Variants in LRFN3 observed in about 807,000 individuals in gnomAD.
The protein encoded by LRFN3 is leucine-rich repeat and fibronectin type-III domain-containing protein 3.
In LRFN3, 8 loss-of-function variants were observed where a neutral mutation model predicts 23.8. The ratio of observed to expected loss-of-function variants is 0.34; its 90% CI spans 0.20 to 0.61. The LOEUF (loss-of-function observed/expected upper bound fraction) is 0.61. Ranked by LOEUF, LRFN3 falls within the 20% of genes least tolerant of loss-of-function variation. The probability of loss-of-function intolerance (pLI) is 0.80; values close to 1 mark genes in which losing one functional copy is unlikely to be tolerated. For missense variants in LRFN3, 736 were observed against 935.3 expected (o/e 0.79, Z 2.78); for synonymous variants, 451 against 450.6 (o/e 1.00, Z -0.01).
In LRFN3 at chr19:35,940,575, G is replaced by A; in HGVS notation, c.1150G>A (p.Gly384Ser). Residue 384 changes from glycine to serine, a missense_variant, in exon 2 of 3, where the codon GGT becomes AGT. Gly to Ser is a moderately conservative substitution (Grantham distance 56, BLOSUM62 0). Around this residue, in one of 2 missense-constraint regions of LRFN3, gnomAD observed 446 missense variants for 647.9 expected, o/e 0.69. Transcript: ENST00000246529. ...CACAGCTGCTGTGGAGCTGACTGTG[G>A]GTCCCCCACCACCTCCTCAGCTAGC... ...EATAAVELTV[G>S]PPPPPQLANS... 6.2e-7 allele frequency: 1 copy of A among 1,612,488 alleles called. No homozygotes were observed. Among genetic ancestry groups the A allele is most frequent in the Non-Finnish European group, 8.5e-7 (1 of 1,179,502 alleles).
Position 35,946,530 on chromosome 19 carries a change from A to G in LRFN3, c.*1511A>G, listed in dbSNP as rs1383330285. On this transcript the variant is annotated 3_prime_UTR_variant, in exon 3 of 3. Transcript: ENST00000246529. Reference sequence around the variant, plus strand: ...AACCTAACCAAGACTAAACAGGACCAGCAGGCAGAGGGACAGGGGGAAGAA... The same window carrying G: ...AACCTAACCAAGACTAAACAGGACCGGCAGGCAGAGGGACAGGGGGAAGAA... 6.6e-6 allele frequency among the ~76,000 whole-genome samples: 1 copy of G among 152,078 alleles called. No individual in the cohort carries two copies. Among genetic ancestry groups the G allele is most frequent in the African/African-American group, 2.4e-5 (1 of 41,392 alleles).
chr19:35,942,325 A>G (rs1235124861), intron 2 of LRFN3, among the ~76,000 whole-genome samples: 1 of 152,202 alleles, frequency 6.6e-6, no homozygotes, highest in Non-Finnish European at 1.5e-5. Flanking sequence ...TACACACTCC[A>G]AGAGGTGGCT....
Position 35,940,217 on chromosome 19 carries a change from G to A in LRFN3, c.792G>A (p.Ala264=), listed in dbSNP as rs201200348. 71 of 1,608,434 alleles carry A rather than the reference G, an allele frequency of 4.4e-5. No individual in the cohort carries two copies. In the East Asian group the frequency reaches 1.0e-3, roughly 23 times the overall value. The stretch of plus-strand genomic sequence containing the variant: ...AGCTGGTGTGGCTGCGTCGCCTGGC[G>A]CGGGAGGACGACCTCGAGGCCTGCG... ...NCELVWLRRL[A]REDDLEACAS... is the part of the protein sequence containing the mutation. Residue 264 remains alanine (A), a synonymous_variant, in exon 2 of 3, where the codon GCG becomes GCA. Transcript: ENST00000246529.
chr19:35,944,920 C>CACGCCT lies in LRFN3; in HGVS notation c.1788_1789insACGCCT (p.Thr595_Pro596dup). 1 of 1,536,602 alleles carries CACGCCT rather than the reference C, an allele frequency of 6.5e-7. No individual in the cohort carries two copies. Among genetic ancestry groups the CACGCCT allele is most frequent in the Non-Finnish European group, 8.7e-7 (1 of 1,149,986 alleles). ...GCGCCCTGGGCCCCACGCCCACGCC[C>CACGCCT]GCCCCGCCCGCCCCGGAGCCCGCGG... On this transcript the variant is annotated inframe_insertion, in exon 3 of 3. Transcript: ENST00000246529. The surrounding 1 kb of genome is among the most constrained non-coding windows in gnomAD (Gnocchi z 4.5).
At chr19:35,942,007 C>T (rs542382351) in intron 2 of LRFN3, among the ~76,000 whole-genome samples, 3 of 152,130 alleles carry the variant, frequency 2.0e-5, no homozygotes, top group South Asian at 2.1e-4. Flanking sequence ...CTCAGCCTCC[C>T]GAGTAGCTGG....
intron 2 of LRFN3, among the ~76,000 whole-genome samples, chr19:35,942,521 C>A (rs1384992859): frequency 1.3e-5 from 2 of 152,208 alleles, no homozygotes; most frequent in Non-Finnish European, 2.9e-5. Context: ...AAGGGTGCAG[C>A]CCCAAGGCTG....
At chr19:35,943,920 C>T (rs1176894278) in intron 2 of LRFN3, among the ~76,000 whole-genome samples, 6 of 152,154 alleles carry the variant, frequency 3.9e-5, no homozygotes, top group Admixed American at 3.9e-4. Flanking sequence ...TGTGGTGGCT[C>T]ACGCCTGTAA....
intron 2 of LRFN3, among the ~76,000 whole-genome samples, chr19:35,941,423 A>C (rs1976120383): frequency 6.6e-6 from 1 of 152,254 alleles, no homozygotes; most frequent in African/African-American, 2.4e-5. Flanking sequence ...CAGGGAGCCC[A>C]GAAACAATGA....
Position 35,944,839 on chromosome 19 carries a change from C to A in LRFN3, c.1707C>A (p.Pro569=), listed in dbSNP as rs550845308. The A allele has an allele frequency of 4.4e-6, 7 of 1,605,868 alleles. No homozygotes were observed. In the African/African-American group the frequency reaches 9.3e-5, roughly 21 times the overall value. Residue 569 remains proline, a synonymous_variant, in exon 3 of 3, where the codon CCC becomes CCA. Transcript: ENST00000246529. This position sits in a 1 kb window ranked among gnomAD's most constrained non-coding sequence, Gnocchi z 4.5. ...GCTACAAGGTGCACGGCGGCCAGCC[C>A]CCCGGCAAGGCCAAGATTCCCGCGC... is the stretch of plus-strand genomic sequence containing the variant. ...LMRYKVHGGQ[P]PGKAKIPAPV...
At position 35,939,811 on chromosome 19, in the gene LRFN3, G is replaced by T; in HGVS notation, c.386G>T (p.Gly129Val). The T allele has an allele frequency of 6.2e-7, 1 of 1,603,140 alleles. No homozygotes were observed. Residue 129 changes from glycine (G) to valine (V), a missense_variant, in exon 2 of 3, where the codon GGC (glycine) becomes GTC (valine). Coordinates refer to ENST00000246529, the MANE Select transcript of LRFN3 (RefSeq NM_024509.2). The surrounding 1 kb of genome is among the most constrained non-coding windows in gnomAD (Gnocchi z 6.4). ...TCACTGGGCGAGGGCCAGCTGCGCGGCCTGGTCAACTTGCGCCACCTCATC... is the reference window on the plus strand; with the variant it reads ...TCACTGGGCGAGGGCCAGCTGCGCGTCCTGGTCAACTTGCGCCACCTCATC... ...LTSLGEGQLR[G>V]LVNLRHLILS...
At chr19:35,941,895 T>A (rs1481561853) in intron 2 of LRFN3, among the ~76,000 whole-genome samples, 1 of 150,646 alleles carries the variant, frequency 6.6e-6, no homozygotes, top group South Asian at 2.1e-4. Context: ...TTTTCTTTTT[T>A]TTTTTGAGAC....
In LRFN3 at chr19:35,939,707, C is replaced by A; in HGVS notation, c.282C>A (p.Thr94=). Residue 94 remains threonine, a synonymous_variant, in exon 2 of 3, where the codon ACC becomes ACA. Transcript: ENST00000246529. The surrounding 1 kb of genome is among the most constrained non-coding windows in gnomAD (Gnocchi z 6.4). ...TGCATCTGAGCCTGTCGCGGAACAC[C>A]ATCCGCCACGTGGCTGCCGGCGCCT... ...GLLHLSLSRN[T]IRHVAAGAFA... The A allele has an allele frequency of 6.2e-7, 1 of 1,604,920 alleles. No individual in the cohort carries two copies.
chr19:35,938,413 C>A (rs1313309316), intron 1 of LRFN3, among the ~76,000 whole-genome samples: 1 of 151,492 alleles, frequency 6.6e-6, no homozygotes, highest in African/African-American at 2.4e-5. Context: ...CCCTCTTGAT[C>A]ATCTCTGCCC....
In LRFN3 at chr19:35,940,172, C is replaced by T. The variant is rs1976101227; in HGVS notation, c.747C>T (p.Asn249=). 1.2e-6 allele frequency: 2 copies of T among 1,610,230 alleles called. No individual in the cohort carries two copies. The highest frequency in any genetic ancestry group is 1.3e-5 in the African/African-American group (1 of 74,928). Residue 249 remains asparagine, a synonymous_variant, in exon 2 of 3, where the codon AAC becomes AAT. Transcript: ENST00000246529. ...ASALVLAFGG[N]PLHCNCELVW... ...CCCTGGTGCTGGCCTTTGGCGGGAA[C>T]CCCCTGCACTGCAACTGCGAGCTGG... is the stretch of plus-strand genomic sequence containing the variant.
At chr19:35,943,503 T>A (rs1599654081) in intron 2 of LRFN3, among the ~76,000 whole-genome samples, 1 of 151,756 alleles carries the variant, frequency 6.6e-6, no homozygotes, top group Admixed American at 6.6e-5. Flanking sequence ...GCAACAGGGG[T>A]ACAGGGAGAT....
chr19:35,944,778 C>T lies in LRFN3; in HGVS notation c.1646C>T (p.Ala549Val), dbSNP rs1976158495. 3.1e-6 allele frequency: 5 copies of T among 1,611,022 alleles called. No individual in the cohort carries two copies. In the East Asian group the frequency reaches 8.9e-5, roughly 29 times the overall value. The change falls in exon 3 of 3, where the codon GCC (alanine) becomes GTC (valine). Residue 549 changes from alanine (A) to valine (V), a missense_variant. Ala to Val is a moderately conservative substitution (Grantham distance 64). This residue lies in a region of LRFN3 where 290 missense variants were observed against 287.4 expected (regional missense o/e 1.01). Coordinates refer to ENST00000246529, the MANE Select transcript of LRFN3 (RefSeq NM_024509.2). The surrounding 1 kb of genome is among the most constrained non-coding windows in gnomAD (Gnocchi z 4.5). ...MIIALGGVIV[A>V]SVLVFIFVLL... ...ATCGCGCTGGGCGGCGTCATCGTAGCCTCGGTACTGGTCTTCATCTTCGTG... is the reference window on the plus strand; with the variant it reads ...ATCGCGCTGGGCGGCGTCATCGTAGTCTCGGTACTGGTCTTCATCTTCGTG...
In LRFN3 at chr19:35,946,177, C is replaced by T. The variant is rs1198543971; in HGVS notation, c.*1158C>T. ...AGGTGTAGGGGGCCCTGAGGATGTC[C>T]AGGATGTGGCATTCAGGAGGGTGCA... On this transcript the variant is annotated 3_prime_UTR_variant, in exon 3 of 3. Transcript: ENST00000246529. Among the ~76,000 whole-genome samples the T allele has an allele frequency of 2.0e-5, 3 of 151,928 alleles. No homozygotes were observed. The highest frequency in any genetic ancestry group is 2.9e-5 in the Non-Finnish European group (2 of 67,940).
chr19:35,945,273 G>A lies in LRFN3; in HGVS notation c.*254G>A, dbSNP rs1568515617. The A allele has an allele frequency of 7.8e-6, 3 of 383,592 alleles. No homozygotes were observed. Among genetic ancestry groups the A allele is most frequent in the Non-Finnish European group, 1.4e-5 (3 of 216,702 alleles). 23.8% of individuals were successfully genotyped at this position (383,592 alleles called of 1,614,324 possible). ...GGAGCTGGGGAATGCCTCCTTTGGG[G>A]AGACACCCCCTCCCCGCCCAGTTCA... On this transcript the variant is annotated 3_prime_UTR_variant, in exon 3 of 3. Transcript: ENST00000246529.
In LRFN3 at chr19:35,939,980, G is replaced by A. The variant is rs1475028172; in HGVS notation, c.555G>A (p.Leu185=). Reference sequence around the variant, plus strand: ...GCCGCCTGGGCAACGTCAACACGTTGGGCCTCGACCACAACCTGCTGGCTT... The same window carrying A: ...GCCGCCTGGGCAACGTCAACACGTTAGGCCTCGACCACAACCTGCTGGCTT... ...ALGRLGNVNT[L]GLDHNLLASV... The change falls in exon 2 of 3, where the codon TTG becomes TTA. Residue 185 remains leucine (L), a synonymous_variant. Transcript: ENST00000246529. The surrounding 1 kb of genome is among the most constrained non-coding windows in gnomAD (Gnocchi z 6.4). 6.2e-7 allele frequency: 1 copy of A among 1,610,916 alleles called. No homozygotes were observed. The highest frequency in any genetic ancestry group is 8.5e-7 in the Non-Finnish European group (1 of 1,179,894).
Sources: gnomAD v4.1 joint callset for allele counts (sites outside exome capture counted in the v4.1 genomes callset) on GRCh38, gnomAD v4.1.1 for gene constraint, gnomAD v4.1.1 regional missense constraint, Gnocchi (gnomAD v3.1) non-coding constraint, MANE v1.5 for transcripts, NCBI Gene and HGNC (gene_info 2026-07-23, HGNC 2026-07-21) for gene names.